Variants in PHF2 observed in about 807,000 individuals in gnomAD.
PHF2 encodes lysine-specific demethylase PHF2.
In PHF2, 27 loss-of-function variants were observed where a neutral mutation model predicts 120.5. The ratio of observed to expected loss-of-function variants is 0.22; its 90% CI spans 0.17 to 0.31. PHF2 has a LOEUF of 0.31. Among genes scored for constraint, PHF2 ranks in the 10% least tolerant of loss-of-function variants. The probability of loss-of-function intolerance (pLI) is 1.00; values close to 1 mark genes in which losing one functional copy is unlikely to be tolerated. For synonymous variants in PHF2, 568 were observed against 592.5 expected (o/e 0.96, Z 0.60); for missense variants, 1,024 against 1,434.8 (o/e 0.71, Z 4.63).
intron 1 of PHF2, among the ~76,000 whole-genome samples, chr9:93,623,117 T>A (rs1825851757): frequency 6.6e-6 from 1 of 152,146 alleles, no homozygotes; most frequent in Admixed American, 6.5e-5. Context: ...ACTGTGTATG[T>A]GGGCATGGAC....
chr9:93,590,047 G>A (rs1587664659), intron 1 of PHF2, among the ~76,000 whole-genome samples: 1 of 152,358 alleles, frequency 6.6e-6, no homozygotes. Context: ...GTGCATGTAT[G>A]CATGTATATC....
intron 7 of PHF2, 63 bp downstream of exon 7, chr9:93,654,638 C>T: frequency 1.3e-6 from 2 of 1,505,132 alleles, no homozygotes; most frequent in Non-Finnish European, 9.2e-7. Flanking sequence ...AAGCTTACTG[C>T]CCTGTCCCTT....
At chr9:93,600,432 TAGCCACACTGCTTTG>T (rs1431727708) in intron 1 of PHF2, among the ~76,000 whole-genome samples, 1 of 152,206 alleles carries the variant, frequency 6.6e-6, no homozygotes, top group Non-Finnish European at 1.5e-5. Context: ...CACATTACCT[TAGCCACACTGCTTTG>T]AGGGGGAAAG....
intron 1 of PHF2, among the ~76,000 whole-genome samples, chr9:93,601,881 G>A (rs1281431174): frequency 6.6e-6 from 1 of 151,704 alleles, no homozygotes; most frequent in Non-Finnish European, 1.5e-5. Context: ...AGGGAGCCCT[G>A]TGAGTGTGCA....
At chr9:93,670,906 A>G (rs1826770262) in intron 17 of PHF2, 8 of 787,902 alleles carry the variant, frequency 1.0e-5, no homozygotes, top group Non-Finnish European at 1.2e-5. Context: ...GGGTGCAGAC[A>G]GGGCAAAGAG....
rs181133851 is a variant in PHF2 at position 93,644,901 on chromosome 9, G to A, written c.300-728G>A. 2.3e-3 allele frequency among the ~76,000 whole-genome samples: 350 copies of A among 152,274 alleles called. 2 individuals carry two copies. The highest frequency in any genetic ancestry group is 8.2e-3 in the African/African-American group (339 of 41,540). ...CTGTGGGCCCCTCTCGTCTGCCTCT[G>A]GCCCTGTGGTGGTGGCCATGTCTAG... On this transcript the variant is annotated intron_variant, in intron 3 of 21. Transcript: ENST00000359246.
rs562661838 is a variant in PHF2 at position 93,589,050 on chromosome 9, G to A, written c.98+12179G>A. Among the ~76,000 whole-genome samples, 5 of 152,324 alleles carry A rather than the reference G, an allele frequency of 3.3e-5. No individual in the cohort carries two copies. In the East Asian group the frequency reaches 9.6e-4, roughly 29 times the overall value. On this transcript the variant is annotated intron_variant, in intron 1 of 21. Transcript: ENST00000359246. ...ATCAAGTGAAGAAGAGAGGGACCTT[G>A]GAGGCAGCAGGAAGGTGAAGCCGCT...
intron 1 of PHF2, chr9:93,594,878 A>G (rs1012150647): frequency 6.5e-6 from 1 of 153,866 alleles, no homozygotes; most frequent in African/African-American, 2.4e-5. Context: ...TTTTAATGGC[A>G]GTTACTTTTG....
chr9:93,655,212 C>A (rs1323975545), intron 7 of PHF2, among the ~76,000 whole-genome samples: 1 of 151,594 alleles, frequency 6.6e-6, no homozygotes, highest in African/African-American at 2.4e-5. Flanking sequence ...CAATTAACAG[C>A]ATTTCCCTGG....
At chr9:93,610,609 G>A (rs757586454) in intron 1 of PHF2, among the ~76,000 whole-genome samples, 20 of 152,110 alleles carry the variant, frequency 1.3e-4, no homozygotes, top group Non-Finnish European at 2.8e-4. Flanking sequence ...TTTTCAGACT[G>A]TGTAGGTTGT....
chr9:93,665,617 G>T, intron 14 of PHF2, 69 bp from the exon 15 acceptor site: 2 of 1,545,382 alleles, frequency 1.3e-6, no homozygotes. Context: ...AGGACCCCTC[G>T]GGAGGTCCTA....
chr9:93,633,356 A>C (rs1355902452), intron 2 of PHF2, among the ~76,000 whole-genome samples: 2 of 152,230 alleles, frequency 1.3e-5, no homozygotes, highest in Non-Finnish European at 2.9e-5. Context: ...GGAACTCGGG[A>C]AGGCATCCCC....
intron 1 of PHF2, among the ~76,000 whole-genome samples, chr9:93,623,040 T>G (rs1384093775): frequency 1.3e-5 from 2 of 152,186 alleles, no homozygotes; most frequent in East Asian, 3.9e-4. Flanking sequence ...CTCCAGATGC[T>G]GCAGTGAGGG....
chr9:93,595,795 T>A (rs1490612044), intron 1 of PHF2, among the ~76,000 whole-genome samples: 1 of 152,234 alleles, frequency 6.6e-6, no homozygotes, highest in African/African-American at 2.4e-5. Flanking sequence ...CTGGATTTCC[T>A]GAGGTGGATT....
In PHF2 at chr9:93,637,048, G is replaced by C. The variant is rs558478743; in HGVS notation, c.299+523G>C. Among the ~76,000 whole-genome samples the C allele has an allele frequency of 4.6e-5, 7 of 152,384 alleles. No individual in the cohort carries two copies. In the South Asian group the frequency reaches 1.4e-3, roughly 32 times the overall value. ...GGAGCTGTTTAGGGGAGGCACCTCTGAGCTGCCCTGCAGCCGTTCATGAGC... is the reference window on the plus strand; with the variant it reads ...GGAGCTGTTTAGGGGAGGCACCTCTCAGCTGCCCTGCAGCCGTTCATGAGC... On this transcript the variant is annotated intron_variant, in intron 3 of 21. Transcript: ENST00000359246.
At chr9:93,589,561 A>T (rs1003729775) in intron 1 of PHF2, among the ~76,000 whole-genome samples, 10 of 152,140 alleles carry the variant, frequency 6.6e-5, no homozygotes, top group African/African-American at 2.2e-4. Flanking sequence ...TGTTGAATGT[A>T]TTGTGTCTTT....
intron 1 of PHF2, among the ~76,000 whole-genome samples, chr9:93,614,628 C>A (rs1230301645): frequency 5.9e-5 from 9 of 152,196 alleles, no homozygotes; most frequent in African/African-American, 1.7e-4. Flanking sequence ...ATGGACATAG[C>A]ACACTTGGGA....
At chr9:93,639,105 A>G (rs1826137006) in intron 3 of PHF2, among the ~76,000 whole-genome samples, 1 of 152,180 alleles carries the variant, frequency 6.6e-6, no homozygotes, top group Admixed American at 6.5e-5. Context: ...GTCAGTTTTT[A>G]CAAGGAAGTC....
At chr9:93,640,928 GT>G (rs960158058) in intron 3 of PHF2, among the ~76,000 whole-genome samples, 1 of 152,086 alleles carries the variant, frequency 6.6e-6, no homozygotes, top group African/African-American at 2.4e-5. Context: ...TTGTTTGTTT[GT>G]TTTTCTCCTG....
Sources: gnomAD v4.1 joint callset for allele counts (sites outside exome capture counted in the v4.1 genomes callset) on GRCh38, gnomAD v4.1.1 for gene constraint, MANE v1.5 for transcripts, NCBI Gene and HGNC (gene_info 2026-07-23, HGNC 2026-07-21) for gene names.